The following WSCD2 variants were observed in gnomAD, a reference collection of about 807,000 sequenced individuals.
The protein encoded by WSCD2 is WSC domain sialate O sulfotransferase 2.
A neutral mutation model predicts 55.7 loss-of-function variants in WSCD2; 28 were observed. The ratio of observed to expected loss-of-function variants is 0.50; its 90% CI spans 0.37 to 0.69. WSCD2 has a LOEUF of 0.69. Among genes scored for constraint, WSCD2 ranks in the 30% least tolerant of loss-of-function variants. The probability of loss-of-function intolerance (pLI) is 0.00; values close to 1 mark genes in which losing one functional copy is unlikely to be tolerated. For synonymous variants in WSCD2, 301 were observed against 301.9 expected, an observed-to-expected ratio of 1.00 and a Z score of 0.03; for missense variants, 616 against 762.1, an observed-to-expected ratio of 0.81 and a Z score of 2.26.
chr12:108,208,191 C>T (rs1448172037), intron 3 of WSCD2, among the ~76,000 whole-genome samples: 1 of 152,168 alleles, frequency 6.6e-6, no homozygotes, highest in Non-Finnish European at 1.5e-5. Flanking sequence ...GGCTTCCCAT[C>T]TGGTTGGGGA....
intron 1 of WSCD2, among the ~76,000 whole-genome samples, chr12:108,141,560 G>A (rs918265253): frequency 6.6e-6 from 1 of 152,174 alleles, no homozygotes; most frequent in African/African-American, 2.4e-5. Flanking sequence ...ATAGCCCCAA[G>A]CCACTCTGAT....
intron 1 of WSCD2, among the ~76,000 whole-genome samples, chr12:108,161,083 G>A (rs1879007418): frequency 6.6e-6 from 1 of 152,216 alleles, no homozygotes; most frequent in African/African-American, 2.4e-5. Context: ...AAATCTTGGT[G>A]CTGCCACCAC....
At chr12:108,171,713 G>A (rs1880275166) in intron 1 of WSCD2, 1 of 152,142 alleles carries the variant, frequency 6.6e-6, no homozygotes. Context: ...TGGATTAAGA[G>A]TTTCCATCCC....
chr12:108,167,590 T>G (rs993984621), intron 1 of WSCD2: 2 of 152,260 alleles, frequency 1.3e-5, no homozygotes, highest in African/African-American at 2.4e-5. Context: ...AGGTATGGCT[T>G]GATCCAGGCT....
At chr12:108,156,659 A>G (rs540668538) in intron 1 of WSCD2, among the ~76,000 whole-genome samples, 37 of 152,348 alleles carry the variant, frequency 2.4e-4, no homozygotes, top group South Asian at 1.0e-3. Flanking sequence ...GCCCACAAAT[A>G]CAGGTGTACC....
intron 1 of WSCD2, among the ~76,000 whole-genome samples, chr12:108,151,836 T>C (rs1878034343): frequency 6.6e-6 from 1 of 152,226 alleles, no homozygotes; most frequent in African/African-American, 2.4e-5. Flanking sequence ...ATTGCTCTCT[T>C]TGGACAGATA....
chr12:108,204,026 T>C (rs1374422805), intron 2 of WSCD2, among the ~76,000 whole-genome samples: 1 of 152,190 alleles, frequency 6.6e-6, no homozygotes, highest in Non-Finnish European at 1.5e-5. Context: ...ACATACACCA[T>C]ATGCCCAAAC....
intron 1 of WSCD2, among the ~76,000 whole-genome samples, chr12:108,193,080 C>A (rs1883395174): frequency 6.6e-6 from 1 of 152,140 alleles, no homozygotes; most frequent in Non-Finnish European, 1.5e-5. Flanking sequence ...AGCTCTGTGA[C>A]CCTGAACAAG....
At chr12:108,186,590 T>C (rs1008310215) in intron 1 of WSCD2, among the ~76,000 whole-genome samples, 2 of 152,242 alleles carry the variant, frequency 1.3e-5, no homozygotes, top group African/African-American at 4.8e-5. Context: ...TATCATATCA[T>C]TGGAATCGTA....
Position 108,248,123 on chromosome 12 carries a change from G to A in WSCD2, c.1478G>A (p.Arg493Gln), listed in dbSNP as rs377538937. Residue 493 changes from arginine (R) to glutamine (Q), a missense_variant, in exon 9 of 9, where the codon CGG becomes CAG. By Grantham distance (43) the Arg-to-Gln change is conservative. Around this residue, in one of 3 missense-constraint regions of WSCD2, gnomAD observed 234 missense variants for 264.6 expected, o/e 0.88. Transcript: ENST00000547525. The surrounding 1 kb of genome is among the most constrained non-coding windows in gnomAD (Gnocchi z 4.3). ...CAGGACCTCTTTGTCCAGCTGGGCCGGATGGTCAGCCTGCTGGGCGTGGCT... is the reference window on the plus strand; with the variant it reads ...CAGGACCTCTTTGTCCAGCTGGGCCAGATGGTCAGCCTGCTGGGCGTGGCT... ...LKQDLFVQLGRMVSLLGVAVR... is the reference protein window; with the variant it reads ...LKQDLFVQLGQMVSLLGVAVR... The A allele has an allele frequency of 8.1e-6, 13 of 1,614,098 alleles. No individual in the cohort carries two copies. The highest frequency in any genetic ancestry group is 1.6e-4 in the Middle Eastern group (1 of 6,084).
chr12:108,235,005 G>A (rs1593110307), intron 7 of WSCD2, among the ~76,000 whole-genome samples: 1 of 152,084 alleles, frequency 6.6e-6, no homozygotes, highest in African/African-American at 2.4e-5. Flanking sequence ...CCAAGTATTC[G>A]CCATCTGATC....
chr12:108,158,383 C>T (rs544201286), intron 1 of WSCD2, among the ~76,000 whole-genome samples: 1 of 144,492 alleles, frequency 6.9e-6, no homozygotes, highest in Non-Finnish European at 1.5e-5. Flanking sequence ...GGAGAAGAGC[C>T]TGAGGCTCTA....
intron 1 of WSCD2, among the ~76,000 whole-genome samples, chr12:108,140,712 C>T (rs2136878573): frequency 1.3e-5 from 2 of 152,286 alleles, no homozygotes; most frequent in East Asian, 3.9e-4. Context: ...GCCTTTCCTG[C>T]CCCCTGACCC....
chr12:108,202,587 C>T (rs953223820), intron 2 of WSCD2, among the ~76,000 whole-genome samples: 83 of 152,220 alleles, frequency 5.5e-4, no homozygotes, highest in African/African-American at 1.9e-3. Context: ...TTATTCTTAG[C>T]AAACTAATGC....
chr12:108,151,736 C>T (rs1050721770), intron 1 of WSCD2, among the ~76,000 whole-genome samples: 4 of 152,226 alleles, frequency 2.6e-5, no homozygotes, highest in Non-Finnish European at 4.4e-5. Context: ...TCCCTTGAGG[C>T]CACTCTCTGG....
chr12:108,155,885 G>A (rs899050693), intron 1 of WSCD2, among the ~76,000 whole-genome samples: 1 of 152,144 alleles, frequency 6.6e-6, no homozygotes, highest in African/African-American at 2.4e-5. Flanking sequence ...GCCTCTCCCA[G>A]GCTATTCAAA....
intron 1 of WSCD2, chr12:108,189,834 G>C (rs949969192): frequency 2.0e-5 from 3 of 152,116 alleles, no homozygotes; most frequent in African/African-American, 2.4e-5. Flanking sequence ...AATGTCTGCA[G>C]CAACTGGCAA....
At position 108,224,645 on chromosome 12, in the gene WSCD2, CT is replaced by C. The variant is rs1887883145; in HGVS notation, c.683-92del. On this transcript the variant is annotated intron_variant, in intron 4 of 8. Coordinates refer to ENST00000547525, the MANE Select transcript of WSCD2 (RefSeq NM_014653.4). ...TTGCTCTGTGACCTTGGGCAAGACT[CT>C]TGCCTTCTCTGAGCTTTCTTCAGAA... 2.6e-6 allele frequency: 4 copies of C among 1,512,134 alleles called. No homozygotes were observed. In the African/African-American group the frequency reaches 5.5e-5, roughly 21 times the overall value. 93.7% of individuals were successfully genotyped at this position (1,512,134 alleles called of 1,614,324 possible).
At chr12:108,161,844 G>A (rs2136941437) in intron 1 of WSCD2, among the ~76,000 whole-genome samples, 1 of 152,326 alleles carries the variant, frequency 6.6e-6, no homozygotes, top group Middle Eastern at 3.4e-3. Context: ...TGATGTGGGT[G>A]AGTTGCTTTC....
Sources: gnomAD v4.1 joint callset for allele counts (sites outside exome capture counted in the v4.1 genomes callset) on GRCh38, gnomAD v4.1.1 for gene constraint, gnomAD v4.1.1 regional missense constraint, Gnocchi (gnomAD v3.1) non-coding constraint, MANE v1.5 for transcripts, NCBI Gene and HGNC (gene_info 2026-07-23, HGNC 2026-07-21) for gene names.